Variants in SRRT observed in about 807,000 individuals in gnomAD.
The protein encoded by SRRT is serrate, RNA effector molecule, also known as serrate RNA effector molecule homolog.
A neutral mutation model predicts 103.2 loss-of-function variants in SRRT; 32 were observed. The ratio of observed to expected loss-of-function variants is 0.31; its 90% CI spans 0.23 to 0.42. The LOEUF is 0.42. Ranked by LOEUF, SRRT falls within the 10% of genes least tolerant of loss-of-function variation. The pLI, the probability that SRRT is intolerant of heterozygous loss-of-function variation, is 1.00. For synonymous variants in SRRT, 525 were observed against 449.0 expected (o/e 1.17, Z -2.14); for missense variants, 986 against 1,207.5 (o/e 0.82, Z 2.72).
intron 2 of SRRT, among the ~76,000 whole-genome samples, chr7:100,878,658 G>GA (rs1467208558): frequency 6.6e-6 from 1 of 151,038 alleles, no homozygotes; most frequent in Non-Finnish European, 1.5e-5. Flanking sequence ...CAGTTAATCT[G>GA]AAAAGGCCTT....
chr7:100,887,394 G>A lies in SRRT; in HGVS notation c.2050G>A (p.Glu684Lys). ...TGTGCGGGAGTCACTCTCAGAGGAA[G>A]AGGCCCAGAAGATGGGGCGCAAAGA... ...LSVRESLSEEEAQKMGRKDPE... is the reference protein window; with the variant it reads ...LSVRESLSEEKAQKMGRKDPE... Residue 684 changes from glutamate (E) to lysine (K), a missense_variant, in exon 16 of 20, where the codon GAG becomes AAG. Coordinates refer to ENST00000611405, the MANE Select transcript of SRRT (RefSeq NM_015908.6). This position sits in a 1 kb window ranked among gnomAD's most constrained non-coding sequence, Gnocchi z 4.1. The A allele has an allele frequency of 6.2e-7, 1 of 1,614,242 alleles. No individual in the cohort carries two copies. Among genetic ancestry groups the A allele is most frequent in the Non-Finnish European group, 8.5e-7 (1 of 1,180,036 alleles).
chr7:100,888,488 AC>A lies in SRRT; in HGVS notation c.2573del (p.Pro858GlnfsTer?). On this transcript the variant is annotated frameshift_variant, in exon 20 of 20. Transcript: ENST00000611405. LOFTEE classifies it high-confidence loss of function. ...GKPRNRMVRGDPRAIVEYRDL... is the reference protein window; with the variant it reads ...GKPRNRMVRGXPRAIVEYRDL... ...TCACCTCACAGGATGGTTCGTGGAG[AC>A]CCAAGGGCCATTGTGGAATATCGGG... 1 of 1,613,970 alleles carries A rather than the reference AC, an allele frequency of 6.2e-7. No homozygotes were observed. Among genetic ancestry groups the A allele is most frequent in the Non-Finnish European group, 8.5e-7 (1 of 1,179,980 alleles).
chr7:100,885,450 G>GA lies in SRRT; in HGVS notation c.1317+81dup. 7.0e-7 allele frequency: 1 copy of GA among 1,435,914 alleles called. No homozygotes were observed. The highest frequency in any genetic ancestry group is 9.4e-7 in the Non-Finnish European group (1 of 1,066,780). The allele number at this position is 1,435,914 out of a possible 1,614,324, so 88.9% of individuals were successfully genotyped here. ...GGGAAGGCAGTGGGGCCCTGCCTGTGACAGATGCCCCCGTTTCACCTGCTA... is the reference window on the plus strand; with the variant it reads ...GGGAAGGCAGTGGGGCCCTGCCTGTGAACAGATGCCCCCGTTTCACCTGCTA... On this transcript the variant is annotated intron_variant, in intron 10 of 19. Transcript: ENST00000611405. This position sits in a 1 kb window ranked among gnomAD's most constrained non-coding sequence, Gnocchi z 4.8.
rs757343878 is a variant in SRRT, at chr7:100,888,575, A to G, written c.*26A>G. On this transcript the variant is annotated 3_prime_UTR_variant, in exon 20 of 20. Coordinates refer to ENST00000611405, the MANE Select transcript of SRRT (RefSeq NM_015908.6). Reference sequence around the variant, plus strand: ...GCCGTCCCCCGTTCCTCAGTCCTGTATCATCCATACTTGTACTACCTTGTC... The same window carrying G: ...GCCGTCCCCCGTTCCTCAGTCCTGTGTCATCCATACTTGTACTACCTTGTC... 15 of 1,613,670 alleles carry G rather than the reference A, an allele frequency of 9.3e-6. No homozygotes were observed. In the African/African-American group the frequency reaches 9.3e-5, roughly 10 times the overall value.
intron 12 of SRRT, 152 bp downstream of exon 12, chr7:100,886,093 G>A: frequency 7.9e-7 from 1 of 1,261,274 alleles, no homozygotes; most frequent in Non-Finnish European, 1.1e-6. Context: ...AAGGCTCTAG[G>A]GCGTTAGCAT....
chr7:100,885,854 C>T lies in SRRT; in HGVS notation c.1380-9C>T. ...GCTTGACTATGCTAACATTTTCTTTCTTGTGTAGGTTTTTCCGTCGTGGCT... is the reference window on the plus strand; with the variant it reads ...GCTTGACTATGCTAACATTTTCTTTTTTGTGTAGGTTTTTCCGTCGTGGCT... On this transcript the variant is annotated splice_polypyrimidine_tract_variant and intron_variant, in intron 11 of 19. Coordinates refer to ENST00000611405, the MANE Select transcript of SRRT (RefSeq NM_015908.6). This position sits in a 1 kb window ranked among gnomAD's most constrained non-coding sequence, Gnocchi z 4.8. 1.2e-6 allele frequency: 2 copies of T among 1,614,138 alleles called. No individual in the cohort carries two copies. Among genetic ancestry groups the T allele is most frequent in the Non-Finnish European group, 8.5e-7 (1 of 1,180,020 alleles).
Position 100,887,873 on chromosome 7 carries a change from CATGA to C in SRRT, c.2326+16_2326+19del. The stretch of plus-strand genomic sequence containing the variant: ...GCCCCGCCCAGAGTAAGATACGATC[CATGA>C]AGGTCGCATGTGCCCTCTTCCTTGA... On this transcript the variant is annotated intron_variant, in intron 17 of 19. Transcript: ENST00000611405. This position sits in a 1 kb window ranked among gnomAD's most constrained non-coding sequence, Gnocchi z 4.1. 1 of 1,593,060 alleles carries C rather than the reference CATGA, an allele frequency of 6.3e-7. No individual in the cohort carries two copies. The highest frequency in any genetic ancestry group is 8.6e-7 in the Non-Finnish European group (1 of 1,163,682).
At position 100,886,448 on chromosome 7, in the gene SRRT, C is replaced by A; in HGVS notation, c.1647+13C>A. On this transcript the variant is annotated intron_variant, in intron 13 of 19. Transcript: ENST00000611405. ...TCCCCTGCCCACGGTCAGTGACTCCCCAAAGGACTTTGTCAGAAGCAACTG... is the reference window on the plus strand; with the variant it reads ...TCCCCTGCCCACGGTCAGTGACTCCACAAAGGACTTTGTCAGAAGCAACTG... The A allele has an allele frequency of 6.2e-7, 1 of 1,603,320 alleles. No homozygotes were observed. The highest frequency in any genetic ancestry group is 8.5e-7 in the Non-Finnish European group (1 of 1,175,330).
At position 100,887,145 on chromosome 7, in the gene SRRT, T is replaced by C. The variant is rs1201171774; in HGVS notation, c.1920T>C (p.Cys640=). The C allele has an allele frequency of 1.2e-6, 2 of 1,614,108 alleles. No homozygotes were observed. Among genetic ancestry groups the C allele is most frequent in the East Asian group, 2.2e-5 (1 of 44,894 alleles). ...YPNEDEMPNR[C]GIIHVRGPMP... ...ACGAGGACGAGATGCCCAATCGCTG[T>C]GGGATCATCCACGTTCGGGGGCCCA... The change falls in exon 15 of 20, where the codon TGT becomes TGC. Residue 640 remains cysteine, a synonymous_variant. Coordinates refer to ENST00000611405, the MANE Select transcript of SRRT (RefSeq NM_015908.6). This position sits in a 1 kb window ranked among gnomAD's most constrained non-coding sequence, Gnocchi z 4.1.
Position 100,875,238 on chromosome 7 carries a change from T to G in SRRT, c.-109T>G. The stretch of plus-strand genomic sequence containing the variant: ...CAAGAGCTCCGTCTCCGTCTCGCCC[T>G]CCTCGAAGTCCTCGTCGCGCGCCCG... On this transcript the variant is annotated 5_prime_UTR_variant, in exon 1 of 20. Transcript: ENST00000611405. 2.9e-6 allele frequency: 1 copy of G among 344,696 alleles called. No individual in the cohort carries two copies. Among genetic ancestry groups the G allele is most frequent in the South Asian group, 3.8e-5 (1 of 26,558 alleles). 21.4% of individuals were successfully genotyped at this position (344,696 alleles called of 1,614,324 possible). A position where few individuals can be genotyped will look rare whatever the true frequency, so the allele number is the denominator to read the frequency against.
In SRRT at chr7:100,886,336, T is replaced by C. The variant is rs1404026276; in HGVS notation, c.1548T>C (p.Ile516=). Residue 516 remains isoleucine, a synonymous_variant, in exon 13 of 20, where the codon ATT becomes ATC. Coordinates refer to ENST00000611405, the MANE Select transcript of SRRT (RefSeq NM_015908.6). The part of the protein sequence containing the change: ...NINGITQHKQ[I]VRNDIKLAAK... ...ACGGCATCACCCAGCACAAGCAGAT[T>C]GTGCGCAACGACATCAAGCTGGCGG... The C allele has an allele frequency of 3.9e-5, 63 of 1,613,758 alleles. No homozygotes were observed. The highest frequency in any genetic ancestry group is 5.1e-5 in the Non-Finnish European group (60 of 1,179,998).
At position 100,885,459 on chromosome 7, in the gene SRRT, C is replaced by T; in HGVS notation, c.1317+89C>T. ...GTGGGGCCCTGCCTGTGACAGATGC[C>T]CCCGTTTCACCTGCTAGGGAGGCCC... On this transcript the variant is annotated intron_variant, in intron 10 of 19. Transcript: ENST00000611405. The surrounding 1 kb of genome is among the most constrained non-coding windows in gnomAD (Gnocchi z 4.8). 1 of 1,389,874 alleles carries T rather than the reference C, an allele frequency of 7.2e-7. No individual in the cohort carries two copies. Among genetic ancestry groups the T allele is most frequent in the Non-Finnish European group, 9.8e-7 (1 of 1,019,812 alleles). The allele number at this position is 1,389,874 out of a possible 1,614,324, so 86.1% of individuals were successfully genotyped here.
Position 100,888,555 on chromosome 7 carries a change from C to T in SRRT, c.*6C>T, listed in dbSNP as rs1790418335. On this transcript the variant is annotated 3_prime_UTR_variant, in exon 20 of 20. Transcript: ENST00000611405. ...ACGATGTTGATTTCTTTTGAGCCGT[C>T]CCCCGTTCCTCAGTCCTGTATCATC... The T allele has an allele frequency of 6.2e-7, 1 of 1,614,012 alleles. No homozygotes were observed. Among genetic ancestry groups the T allele is most frequent in the African/African-American group, 1.3e-5 (1 of 74,896 alleles).
Position 100,888,007 on chromosome 7 carries a change from C to T in SRRT, c.2327-35C>T, listed in dbSNP as rs113906190. ...TCAATTGTACCCGTATCCCCCTCCC[C>T]GCCCCCGCAGTAATTCATGTCCCTG... On this transcript the variant is annotated intron_variant, in intron 17 of 19. Coordinates refer to ENST00000611405, the MANE Select transcript of SRRT (RefSeq NM_015908.6). The T allele has an allele frequency of 1.3e-4, 196 of 1,525,130 alleles. No homozygotes were observed. In the African/African-American group the frequency reaches 2.1e-3, roughly 16 times the overall value. The allele number at this position is 1,525,130 out of a possible 1,614,324, so 94.5% of individuals were successfully genotyped here.
rs1337970186 is a variant in SRRT at position 100,881,160 on chromosome 7, T to C, written c.123-125T>C. 9.1e-6 allele frequency: 9 copies of C among 984,406 alleles called. No homozygotes were observed. In the Admixed American group the frequency reaches 1.9e-4, roughly 21 times the overall value. The allele number at this position is 984,406 out of a possible 1,614,324, so 61.0% of individuals were successfully genotyped here. A position where few individuals can be genotyped will look rare whatever the true frequency, so the allele number is the denominator to read the frequency against. ...CGGGGGGCGGGGGGGGGTCTCACTA[T>C]TGCCCAGGTTGGTCTCGAACTCCTG... On this transcript the variant is annotated intron_variant, in intron 2 of 19. Coordinates refer to ENST00000611405, the MANE Select transcript of SRRT (RefSeq NM_015908.6).
chr7:100,875,488 G>T (rs745735732), intron 1 of SRRT, 85 bp from the exon 2 acceptor site: 2 of 1,574,314 alleles, frequency 1.3e-6, no homozygotes, highest in Non-Finnish European at 8.6e-7. Flanking sequence ...TGGCGGGAGG[G>T]AAGCGGGCGA....
rs1441212026 is a variant in SRRT at position 100,881,711 on chromosome 7, G to A, written c.304G>A (p.Gly102Arg). The A allele has an allele frequency of 1.9e-6, 3 of 1,593,680 alleles. No homozygotes were observed. The highest frequency in any genetic ancestry group is 4.5e-5 in the East Asian group (2 of 44,252). ...CAGTGGCTATGAGATGCCCTATGCT[G>A]GGGGGGGTGGGGGCCCAACTTATGG... ...YHSGYEMPYA[G>R]GGGGPTYGPP... The change falls in exon 4 of 20, where the codon GGG (glycine) becomes AGG (arginine). Residue 102 changes from glycine (G) to arginine (R), a missense_variant. Physicochemically the swap from Gly to Arg is moderately radical, Grantham distance 125. This residue lies in a region of SRRT where 274 missense variants were observed against 358.5 expected (regional missense o/e 0.76). Transcript: ENST00000611405.
chr7:100,877,543 A>T (rs776053167), intron 2 of SRRT, among the ~76,000 whole-genome samples: 2 of 151,506 alleles, frequency 1.3e-5, no homozygotes, highest in Non-Finnish European at 2.9e-5. Flanking sequence ...TTTTTTTGAC[A>T]CAGAATCTTG....
rs1774908212 is a variant in SRRT at position 100,875,716 on chromosome 7, A to G, written c.122+4A>G. On this transcript the variant is annotated splice_donor_region_variant and intron_variant, in intron 2 of 19. Coordinates refer to ENST00000611405, the MANE Select transcript of SRRT (RefSeq NM_015908.6). Reference sequence around the variant, plus strand: ...GAGGGGACGATTGGAATGACAGGTGAGCCGTTTTTAACTTCATCTTGTCCC... The same window carrying G: ...GAGGGGACGATTGGAATGACAGGTGGGCCGTTTTTAACTTCATCTTGTCCC... 1 of 1,613,618 alleles carries G rather than the reference A, an allele frequency of 6.2e-7. No individual in the cohort carries two copies. The highest frequency in any genetic ancestry group is 8.5e-7 in the Non-Finnish European group (1 of 1,179,764).
Sources: allele counts gnomAD v4.1 joint callset (sites outside exome capture counted in the v4.1 genomes callset), GRCh38; gene constraint gnomAD v4.1.1; regional missense constraint gnomAD v4.1.1; non-coding constraint Gnocchi (gnomAD v3.1); transcripts MANE v1.5; gene names NCBI Gene and HGNC (gene_info 2026-07-23, HGNC 2026-07-21).